Variants in SERPINE2 observed in about 807,000 individuals in gnomAD.
SERPINE2 encodes the protein glia-derived nexin.
Under a neutral mutation model 36.3 loss-of-function variants are expected in SERPINE2, and 14 were observed. The observed-to-expected ratio is 0.39, with a 90% CI of 0.25 to 0.60. The LOEUF is 0.60. Among genes scored for constraint, SERPINE2 ranks in the 20% least tolerant of loss-of-function variants. The pLI is 0.57. For synonymous variants in SERPINE2, 192 were observed against 191.8 expected (o/e 1.00, Z -0.01); for missense variants, 418 against 499.6 (o/e 0.84, Z 1.56).
At chr2:223,979,761 A>G (rs1453714699) in intron 7 of SERPINE2, 2 of 152,452 alleles carry the variant, frequency 1.3e-5, no homozygotes, top group Non-Finnish European at 2.9e-5. Flanking sequence ...CTGATTGCCT[A>G]TTTTCCTTTA....
chr2:224,031,622 G>T (rs1397048213), intron 1 of SERPINE2: 1 of 409,766 alleles, frequency 2.4e-6, no homozygotes, highest in East Asian at 1.6e-4. Context: ...ATTGGTATCG[G>T]GACGAGCATG....
intron 1 of SERPINE2, among the ~76,000 whole-genome samples, chr2:224,033,916 G>A (rs1692456498): frequency 6.6e-6 from 1 of 152,124 alleles, no homozygotes; most frequent in Admixed American, 6.5e-5. Flanking sequence ...AAAAGACAAG[G>A]TTAATCAAAA....
intron 3 of SERPINE2, among the ~76,000 whole-genome samples, chr2:223,996,583 G>A (rs1690896336): frequency 6.6e-6 from 1 of 152,200 alleles, no homozygotes; most frequent in African/African-American, 2.4e-5. Context: ...GGCAGACTGG[G>A]AGTTGCCAGC....
At chr2:224,002,361 G>A (rs10183743) in intron 1 of SERPINE2, among the ~76,000 whole-genome samples, 33,215 of 152,086 alleles carry the variant, frequency 0.22, 3,952 homozygotes, top group African/African-American at 0.31. Context: ...AGACAGAACA[G>A]TGTAATTAAA....
At chr2:224,009,657 T>A (rs1417223946) in intron 1 of SERPINE2, among the ~76,000 whole-genome samples, 1 of 151,902 alleles carries the variant, frequency 6.6e-6, no homozygotes, top group South Asian at 2.1e-4. Flanking sequence ...ATTGTGCTAC[T>A]GCACTCCAGC....
intron 1 of SERPINE2, among the ~76,000 whole-genome samples, chr2:224,022,821 G>T (rs4674853): frequency 0.14 from 21,150 of 152,142 alleles, 1,716 homozygotes; most frequent in East Asian, 0.2. Flanking sequence ...CTGTGCCAAG[G>T]GCAGGACCAG....
At chr2:224,031,464 T>C in intron 1 of SERPINE2, 1 of 985,550 alleles carries the variant, frequency 1.0e-6, no homozygotes, top group Non-Finnish European at 1.2e-6. Flanking sequence ...CTCCCTTTCC[T>C]CCTAACCAAG....
intron 1 of SERPINE2, among the ~76,000 whole-genome samples, chr2:224,003,173 G>C (rs574413619): frequency 1.2e-4 from 19 of 152,110 alleles, no homozygotes; most frequent in Non-Finnish European, 2.2e-4. Flanking sequence ...TGGGCAGAGG[G>C]AGAGCAGGGC....
intron 1 of SERPINE2, among the ~76,000 whole-genome samples, chr2:224,015,198 T>C (rs912513105): frequency 6.6e-6 from 1 of 152,220 alleles, no homozygotes; most frequent in Non-Finnish European, 1.5e-5. Flanking sequence ...AAGCCTGGTC[T>C]AGAGGGGAAA....
intron 4 of SERPINE2, among the ~76,000 whole-genome samples, chr2:223,985,545 G>A (rs1322639679): frequency 6.6e-6 from 1 of 152,152 alleles, no homozygotes; most frequent in Admixed American, 6.5e-5. Context: ...GCCTACATGT[G>A]CAGGTGAAGA....
intron 1 of SERPINE2, among the ~76,000 whole-genome samples, chr2:224,032,169 T>G (rs1692401100): frequency 6.6e-6 from 1 of 152,132 alleles, no homozygotes; most frequent in African/African-American, 2.4e-5. Context: ...AGAAATAAAT[T>G]TTAGTAGAGG....
At chr2:223,997,225 T>G (rs1346783229) in intron 3 of SERPINE2, among the ~76,000 whole-genome samples, 1 of 152,176 alleles carries the variant, frequency 6.6e-6, no homozygotes, top group African/African-American at 2.4e-5. Flanking sequence ...TGTTTCTTTT[T>G]GTTGTTGTTG....
intron 1 of SERPINE2, among the ~76,000 whole-genome samples, chr2:224,004,836 C>G (rs924838726): frequency 6.6e-6 from 1 of 151,248 alleles, no homozygotes; most frequent in Non-Finnish European, 1.5e-5. Context: ...TGTCTACATT[C>G]GGCCCACTAT....
At chr2:224,034,922 G>A (rs1161830051) in intron 1 of SERPINE2, among the ~76,000 whole-genome samples, 2 of 152,152 alleles carry the variant, frequency 1.3e-5, no homozygotes, top group Non-Finnish European at 2.9e-5. Context: ...AGAAACTCGG[G>A]TACAACACTG....
chr2:224,028,745 T>C (rs2106199703), intron 1 of SERPINE2, among the ~76,000 whole-genome samples: 1 of 152,274 alleles, frequency 6.6e-6, no homozygotes. Flanking sequence ...TGATGCATAA[T>C]TTTCCACTTC....
chr2:224,029,772 T>C (rs528641962), intron 1 of SERPINE2, among the ~76,000 whole-genome samples: 3 of 152,328 alleles, frequency 2.0e-5, no homozygotes, highest in Admixed American at 6.5e-5. Flanking sequence ...CAATTCTGCT[T>C]ACTGCAACTT....
At chr2:224,021,841 T>C (rs1251562747) in intron 1 of SERPINE2, among the ~76,000 whole-genome samples, 1 of 152,150 alleles carries the variant, frequency 6.6e-6, no homozygotes, top group African/African-American at 2.4e-5. Context: ...CTGGCCAACA[T>C]GGCGAAACCT....
chr2:223,979,653 A>G (rs1690148822), intron 7 of SERPINE2: 1 of 152,368 alleles, frequency 6.6e-6, no homozygotes, highest in Middle Eastern at 3.4e-3. Flanking sequence ...CTGAGGAGGA[A>G]GCAGATGTGG....
chr2:224,032,300 C>T (rs1692406083), intron 1 of SERPINE2, among the ~76,000 whole-genome samples: 1 of 152,158 alleles, frequency 6.6e-6, no homozygotes, highest in Non-Finnish European at 1.5e-5. Flanking sequence ...TAAACTCTTT[C>T]ACATACCCAC....
Sources: allele counts gnomAD v4.1 joint callset (sites outside exome capture counted in the v4.1 genomes callset), GRCh38; gene constraint gnomAD v4.1.1; transcripts MANE v1.5; gene names NCBI Gene and HGNC (gene_info 2026-07-23, HGNC 2026-07-21).